Variants in NRG2 observed in about 807,000 individuals in gnomAD.
NRG2 encodes neuregulin 2.
A neutral mutation model predicts 73.9 loss-of-function variants in NRG2; 27 were observed. The ratio of observed to expected loss-of-function variants is 0.37; its 90% CI spans 0.27 to 0.50. The LOEUF is 0.50. Ranked by LOEUF, NRG2 falls within the 20% of genes least tolerant of loss-of-function variation. The probability of loss-of-function intolerance (pLI) is 0.96; values close to 1 mark genes in which losing one functional copy is unlikely to be tolerated. For missense variants in NRG2, 1,126 were observed against 1,210.1 expected (o/e 0.93, Z 1.03); for synonymous variants, 532 against 541.0 (o/e 0.98, Z 0.23).
chr5:140,042,770 G>A lies in NRG2; in HGVS notation c.300C>T (p.Gly100=). 1 of 1,539,934 alleles carries A rather than the reference G, an allele frequency of 6.5e-7. No homozygotes were observed. Among genetic ancestry groups the A allele is most frequent in the South Asian group, 1.2e-5 (1 of 82,908 alleles). ...ACACACCGAAGAGCAGCATGGAGAA[G>A]CCGGGGGCCGGGTCGCGCCTCATGC... ...AGGMRRDPAP[G]FSMLLFGVSL... The change falls in exon 1 of 10, where the codon GGC becomes GGT. Residue 100 remains glycine, a synonymous_variant. Transcript: ENST00000361474.
At chr5:139,945,095 C>G in intron 1 of NRG2, among the ~76,000 whole-genome samples, 1 of 151,666 alleles carries the variant, frequency 6.6e-6, no homozygotes, top group Non-Finnish European at 1.5e-5. Flanking sequence ...ATTTTTTAAT[C>G]GAACTGTATG....
chr5:139,936,689 C>T (rs1580769056), intron 1 of NRG2, among the ~76,000 whole-genome samples: 1 of 152,080 alleles, frequency 6.6e-6, no homozygotes, highest in South Asian at 2.1e-4. Flanking sequence ...CAAAACTGGA[C>T]AAAGACATTA....
Position 139,918,231 on chromosome 5 carries a change from G to A in NRG2, c.701-30720C>T, listed in dbSNP as rs141708642. ...TGAGTTAGAGGATATAACTAGGCTC[G>A]GATAGAACTAGTCTAGGCAATGGAT... On this transcript the variant is annotated intron_variant, in intron 1 of 9. Coordinates refer to ENST00000361474, the MANE Select transcript of NRG2 (RefSeq NM_004883.3). 3.3e-4 allele frequency among the ~76,000 whole-genome samples: 50 copies of A among 152,198 alleles called. 1 individual carries two copies. In the East Asian group the frequency reaches 8.9e-3, roughly 27 times the overall value.
intron 1 of NRG2, among the ~76,000 whole-genome samples, chr5:139,943,740 G>A (rs1753584271): frequency 6.6e-6 from 1 of 152,092 alleles, no homozygotes; most frequent in Admixed American, 6.5e-5. Context: ...GGATGCACCA[G>A]TAATAAAAAT....
intron 1 of NRG2, among the ~76,000 whole-genome samples, chr5:139,998,920 G>A (rs1247306045): frequency 6.6e-6 from 1 of 152,144 alleles, no homozygotes; most frequent in Non-Finnish European, 1.5e-5. Flanking sequence ...TATAGCAGAA[G>A]ACTCTGAATC....
At chr5:139,955,342 G>A (rs1384080920) in intron 1 of NRG2, among the ~76,000 whole-genome samples, 1 of 152,154 alleles carries the variant, frequency 6.6e-6, no homozygotes, top group African/African-American at 2.4e-5. Flanking sequence ...CAGAGAGGAG[G>A]AGCAGCAGCG....
intron 1 of NRG2, among the ~76,000 whole-genome samples, chr5:139,962,380 C>T (rs1755135207): frequency 6.6e-6 from 1 of 152,194 alleles, no homozygotes; most frequent in African/African-American, 2.4e-5. Context: ...TGGCTCAAAA[C>T]TATCGGGACA....
chr5:139,948,105 TCTA>T (rs765357226), intron 1 of NRG2, among the ~76,000 whole-genome samples: 3 of 152,168 alleles, frequency 2.0e-5, no homozygotes, highest in Non-Finnish European at 4.4e-5. Flanking sequence ...CAGCCACCAT[TCTA>T]CTTTCTGTCT....
chr5:139,938,902 AAGAAAAG>A (rs1753096423), intron 1 of NRG2, among the ~76,000 whole-genome samples: 5 of 69,468 alleles, frequency 7.2e-5, no homozygotes, highest in African/African-American at 4.2e-4. Context: ...GAAAGAAAGA[AAGAAAAG>A]AAAGAAAGAA....
intron 1 of NRG2, among the ~76,000 whole-genome samples, chr5:140,016,014 T>C (rs892584777): frequency 2.6e-5 from 4 of 152,192 alleles, no homozygotes; most frequent in African/African-American, 9.7e-5. Context: ...TAGCCCATCA[T>C]TCATTCTACA....
chr5:140,002,516 C>T (rs1758568217), intron 1 of NRG2, among the ~76,000 whole-genome samples: 1 of 152,122 alleles, frequency 6.6e-6, no homozygotes, highest in Admixed American at 6.5e-5. Context: ...ACAATAAATA[C>T]CAAAAGCTGG....
At chr5:139,940,273 A>G (rs568918968) in intron 1 of NRG2, among the ~76,000 whole-genome samples, 1 of 152,232 alleles carries the variant, frequency 6.6e-6, no homozygotes, top group Non-Finnish European at 1.5e-5. Flanking sequence ...AAGAGGAGGG[A>G]ATTACTGATA....
chr5:140,017,870 G>A (rs1759921009), intron 1 of NRG2, among the ~76,000 whole-genome samples: 3 of 152,160 alleles, frequency 2.0e-5, no homozygotes, highest in Admixed American at 2.0e-4. Context: ...GCAGTAGAGA[G>A]AAGGAAAAGT....
chr5:139,879,807 T>C (rs987123433), intron 3 of NRG2, among the ~76,000 whole-genome samples: 56 of 152,114 alleles, frequency 3.7e-4, no homozygotes, highest in African/African-American at 1.3e-3. Flanking sequence ...GGCAAGGACA[T>C]GGAGACTCAG....
intron 1 of NRG2, among the ~76,000 whole-genome samples, chr5:139,995,485 T>C (rs10515508): frequency 0.16 from 23,661 of 152,116 alleles, 2,335 homozygotes; most frequent in Admixed American, 0.22. Flanking sequence ...CTGAGAAATA[T>C]GCAGGTTCCC....
intron 1 of NRG2, among the ~76,000 whole-genome samples, chr5:139,941,152 T>G (rs1329489737): frequency 2.0e-5 from 3 of 152,062 alleles, no homozygotes; most frequent in Admixed American, 6.6e-5. Flanking sequence ...GGGGGCTGGG[T>G]TTTCATCTTG....
chr5:139,891,829 A>C (rs775942818), intron 1 of NRG2, among the ~76,000 whole-genome samples: 2 of 152,040 alleles, frequency 1.3e-5, no homozygotes, highest in Admixed American at 6.6e-5. Flanking sequence ...TTGTACATTA[A>C]AAAAAAACTA....
rs1339816584 is a variant in NRG2, at chr5:139,852,088, C to T, written c.1545-257G>A. The stretch of plus-strand genomic sequence containing the variant: ...TTCCTTCCTGCAACCAGCCTCCCCC[C>T]AGCCTTACCTTAGACCCCCTGTCTG... On this transcript the variant is annotated intron_variant, in intron 8 of 9. Coordinates refer to ENST00000361474, the MANE Select transcript of NRG2 (RefSeq NM_004883.3). This position sits in a 1 kb window ranked among gnomAD's most constrained non-coding sequence, Gnocchi z 4.4. Among the ~76,000 whole-genome samples the T allele has an allele frequency of 6.6e-6, 1 of 152,212 alleles. No individual in the cohort carries two copies. Among genetic ancestry groups the T allele is most frequent in the African/African-American group, 2.4e-5 (1 of 41,438 alleles).
intron 1 of NRG2, among the ~76,000 whole-genome samples, chr5:140,016,194 G>A (rs2126655724): frequency 6.6e-6 from 1 of 152,312 alleles, no homozygotes; most frequent in African/African-American, 2.4e-5. Context: ...GGCAGAAGGG[G>A]TGGTGGTGCA....
Sources: allele counts gnomAD v4.1 joint callset (sites outside exome capture counted in the v4.1 genomes callset), GRCh38; gene constraint gnomAD v4.1.1; non-coding constraint Gnocchi (gnomAD v3.1); transcripts MANE v1.5; gene names NCBI Gene and HGNC (gene_info 2026-07-23, HGNC 2026-07-21).